Variants in ABCA13 observed in about 807,000 individuals in gnomAD.
ABCA13 encodes the protein ATP-binding cassette sub-family A member 13.
In ABCA13, 476 loss-of-function variants were observed where a neutral mutation model predicts 478.7. That is an observed-to-expected ratio of 0.99 (90% CI 0.92 to 1.07). The LOEUF (loss-of-function observed/expected upper bound fraction) is 1.07, where lower values mean the gene tolerates loss of function less well. Ranked by LOEUF, ABCA13 falls within the 50% of genes least tolerant of loss-of-function variation. The pLI is 0.00. For missense variants in ABCA13, 6,060 were observed against 5,910.6 expected (o/e 1.03, Z -0.83); for synonymous variants, 2,252 against 2,158.9 (o/e 1.04, Z -1.20).
chr7:48,225,109 G>C (rs143801483), intron 5 of ABCA13, among the ~76,000 whole-genome samples: 19 of 113,708 alleles, frequency 1.7e-4, no homozygotes, highest in East Asian at 7.9e-4. Context: ...CCATGCGTGC[G>C]TGCCTGCCTG....
intron 55 of ABCA13, among the ~76,000 whole-genome samples, chr7:48,534,164 G>A (rs897031310): frequency 7.9e-5 from 12 of 151,792 alleles, no homozygotes; most frequent in African/African-American, 2.7e-4. Flanking sequence ...GTAGAGTGGG[G>A]CTGGTAGTGG....
At chr7:48,452,754 G>T (rs1303943393) in intron 42 of ABCA13, among the ~76,000 whole-genome samples, 1 of 152,186 alleles carries the variant, frequency 6.6e-6, no homozygotes, top group Non-Finnish European at 1.5e-5. Context: ...CCTGAACAAA[G>T]TATGGCATTT....
At chr7:48,306,188 C>T (rs1036010934) in intron 23 of ABCA13, among the ~76,000 whole-genome samples, 2 of 152,140 alleles carry the variant, frequency 1.3e-5, no homozygotes, top group African/African-American at 4.8e-5. Flanking sequence ...ATTGTGACTG[C>T]GGAGCTTCCA....
chr7:48,426,036 C>T (rs537104059), intron 41 of ABCA13, among the ~76,000 whole-genome samples: 16 of 152,296 alleles, frequency 1.1e-4, no homozygotes, highest in Non-Finnish European at 1.9e-4. Context: ...CCACCGCGCC[C>T]GGCCTCTTAT....
intron 35 of ABCA13, among the ~76,000 whole-genome samples, chr7:48,387,133 C>A (rs1815319097): frequency 6.6e-6 from 1 of 151,852 alleles, no homozygotes; most frequent in Admixed American, 6.6e-5. Context: ...TTTATATCAG[C>A]CTTTTTAATT....
intron 26 of ABCA13, 110 bp downstream of exon 26, chr7:48,314,519 C>G (rs1584795254): frequency 9.8e-7 from 1 of 1,025,382 alleles, no homozygotes. Flanking sequence ...TATATACTGG[C>G]ATAGAATCTT....
chr7:48,574,313 T>C (rs1368104717), intron 55 of ABCA13, among the ~76,000 whole-genome samples: 1 of 152,140 alleles, frequency 6.6e-6, no homozygotes, highest in Non-Finnish European at 1.5e-5. Context: ...TTAAAGGGCT[T>C]GTCTATTTTT....
chr7:48,541,967 C>G (rs1394268528), intron 55 of ABCA13, among the ~76,000 whole-genome samples: 1 of 149,834 alleles, frequency 6.7e-6, no homozygotes, highest in East Asian at 2.0e-4. Context: ...GGCCATTATG[C>G]AAATGAAAAC....
chr7:48,352,120 G>A (rs887515939), intron 30 of ABCA13, 61 bp from the exon 31 acceptor site: 1 of 1,505,030 alleles, frequency 6.6e-7, no homozygotes, highest in Admixed American at 1.9e-5. Flanking sequence ...CCCAGTGTAG[G>A]CGTGGTTTGA....
chr7:48,315,363 T>C (rs1306142860), intron 26 of ABCA13, among the ~76,000 whole-genome samples: 1 of 152,240 alleles, frequency 6.6e-6, no homozygotes, highest in Non-Finnish European at 1.5e-5. Context: ...ACTATACTTT[T>C]TTCTGCAATA....
At chr7:48,582,904 T>A (rs1788838305) in intron 56 of ABCA13, among the ~76,000 whole-genome samples, 1 of 152,172 alleles carries the variant, frequency 6.6e-6, no homozygotes, top group South Asian at 2.1e-4. Flanking sequence ...ATTAACCTTG[T>A]AAAGCATGTT....
chr7:48,645,159 T>G (rs1325770515), intron 61 of ABCA13, among the ~76,000 whole-genome samples: 1 of 152,186 alleles, frequency 6.6e-6, no homozygotes, highest in Non-Finnish European at 1.5e-5. Flanking sequence ...TCACGACATA[T>G]TTCTAAAACC....
chr7:48,462,355 G>A (rs1289262820), intron 43 of ABCA13, among the ~76,000 whole-genome samples: 2 of 152,074 alleles, frequency 1.3e-5, no homozygotes, highest in African/African-American at 2.4e-5. Flanking sequence ...CTTATTTGGA[G>A]CAGTCTATCT....
chr7:48,418,182 A>G (rs1255908527), intron 41 of ABCA13, among the ~76,000 whole-genome samples: 1 of 152,210 alleles, frequency 6.6e-6, no homozygotes, highest in African/African-American at 2.4e-5. Context: ...TAAGTTTTCA[A>G]CTTACTTGGG....
intron 58 of ABCA13, among the ~76,000 whole-genome samples, chr7:48,602,199 G>A (rs530298270): frequency 2.6e-5 from 4 of 152,082 alleles, no homozygotes; most frequent in South Asian, 2.1e-4. Flanking sequence ...TGGTAGTTTC[G>A]TTTGCTGTGC....
chr7:48,341,869 A>ATCTTTCTGATATATATATC (rs1807247034), intron 29 of ABCA13, among the ~76,000 whole-genome samples: 1 of 141,078 alleles, frequency 7.1e-6, no homozygotes, highest in African/African-American at 2.6e-5. Flanking sequence ...ATATATATAT[A>ATCTTTCTGATATATATATC]TATCTTTCTG....
intron 27 of ABCA13, among the ~76,000 whole-genome samples, chr7:48,334,182 T>C (rs943962802): frequency 6.6e-6 from 1 of 152,230 alleles, no homozygotes; most frequent in Non-Finnish European, 1.5e-5. Flanking sequence ...ATCTTCTACA[T>C]GTGTTGCATT....
chr7:48,179,801 T>C (rs1445423949), intron 1 of ABCA13, among the ~76,000 whole-genome samples: 2 of 152,200 alleles, frequency 1.3e-5, no homozygotes, highest in Non-Finnish European at 2.9e-5. Context: ...CACTCTCTCC[T>C]TCTTCATTTT....
chr7:48,246,075 G>GA (rs772789965), intron 13 of ABCA13, 45 bp downstream of exon 13: 4 of 1,564,308 alleles, frequency 2.6e-6, no homozygotes, highest in Non-Finnish European at 3.5e-6. Flanking sequence ...ACAAATTTAA[G>GA]ATTAAATTCA....
Sources: gnomAD v4.1 joint callset for allele counts (sites outside exome capture counted in the v4.1 genomes callset) on GRCh38, gnomAD v4.1.1 for gene constraint, MANE v1.5 for transcripts, NCBI Gene and HGNC (gene_info 2026-07-23, HGNC 2026-07-21) for gene names.